Variants in HIVEP3 observed in about 807,000 individuals in gnomAD.
HIVEP3 encodes transcription factor HIVEP3.
HIVEP3 carries 49 observed loss-of-function variants against 152.8 expected under a neutral mutation model. That is an observed-to-expected ratio of 0.32 (90% CI 0.26 to 0.41). The LOEUF (loss-of-function observed/expected upper bound fraction) is 0.41. Ranked by LOEUF, HIVEP3 falls within the 10% of genes least tolerant of loss-of-function variation. The pLI is 1.00. For missense variants in HIVEP3, 2,790 were observed against 3,103.3 expected (o/e 0.90, Z 2.40); for synonymous variants, 1,269 against 1,289.0 (o/e 0.98, Z 0.33).
intron 5 of HIVEP3, among the ~76,000 whole-genome samples, chr1:41,529,211 C>G (rs1304018084): frequency 3.6e-5 from 5 of 137,872 alleles, no homozygotes; most frequent in Non-Finnish European, 6.2e-5. Context: ...CCCATACACT[C>G]ACACCCTCAC....
chr1:41,640,974 C>G (rs1645363432), intron 2 of HIVEP3, among the ~76,000 whole-genome samples: 1 of 152,224 alleles, frequency 6.6e-6, no homozygotes, highest in African/African-American at 2.4e-5. Context: ...GTTTCCTCAC[C>G]TCTGAAACAA....
At chr1:41,690,583 C>T (rs544907017) in intron 2 of HIVEP3, among the ~76,000 whole-genome samples, 80 of 152,294 alleles carry the variant, frequency 5.3e-4, no homozygotes, top group African/African-American at 1.9e-3. Context: ...GAGCCCTGTG[C>T]CAGGCTTGGG....
intron 2 of HIVEP3, among the ~76,000 whole-genome samples, chr1:41,682,993 G>A (rs1377686107): frequency 1.3e-5 from 2 of 152,318 alleles, no homozygotes; most frequent in East Asian, 3.9e-4. Context: ...ATCTAAACTG[G>A]GTCTTAAATG....
intron 1 of HIVEP3, among the ~76,000 whole-genome samples, chr1:41,735,748 C>T (rs150921313): frequency 6.6e-6 from 1 of 152,168 alleles, no homozygotes; most frequent in Non-Finnish European, 1.5e-5. Flanking sequence ...AGGATGTCTG[C>T]CTGCTCCCTG....
intron 2 of HIVEP3, among the ~76,000 whole-genome samples, chr1:41,658,198 T>C (rs917129825): frequency 1.7e-4 from 26 of 152,246 alleles, no homozygotes; most frequent in African/African-American, 6.3e-4. Context: ...TCAAAACCGC[T>C]GAGACCTTCC....
chr1:41,953,907 C>T (rs1645124226), intron 1 of HIVEP3, among the ~76,000 whole-genome samples: 1 of 152,160 alleles, frequency 6.6e-6, no homozygotes, highest in African/African-American at 2.4e-5. Context: ...CTGCAGCAGC[C>T]CTTTTTTCTG....
chr1:41,973,359 C>A (rs1645241198), intron 1 of HIVEP3, among the ~76,000 whole-genome samples: 1 of 152,190 alleles, frequency 6.6e-6, no homozygotes, highest in South Asian at 2.1e-4. Context: ...ACCCAAGATA[C>A]CTGCTAGAGC....
intron 5 of HIVEP3, chr1:41,535,613 G>A (rs1230486946): frequency 6.6e-6 from 1 of 152,242 alleles, no homozygotes; most frequent in Non-Finnish European, 1.5e-5. Flanking sequence ...CAGGACAGAG[G>A]CTATGGGGAG....
At chr1:41,575,746 C>T (rs946046118) in intron 4 of HIVEP3, 57 bp from the exon 5 acceptor site, 30 of 1,568,466 alleles carry the variant, frequency 1.9e-5, no homozygotes, top group Non-Finnish European at 2.3e-5. Flanking sequence ...TCCTCAGTCA[C>T]GAATGCAATG....
At chr1:41,739,459 G>A (rs1336959018) in intron 1 of HIVEP3, among the ~76,000 whole-genome samples, 2 of 152,208 alleles carry the variant, frequency 1.3e-5, no homozygotes, top group Non-Finnish European at 2.9e-5. Context: ...CCAAGTGACC[G>A]CCCACAGAGC....
chr1:41,941,439 T>C (rs1440833477), intron 1 of HIVEP3, among the ~76,000 whole-genome samples: 1 of 152,094 alleles, frequency 6.6e-6, no homozygotes, highest in Non-Finnish European at 1.5e-5. Flanking sequence ...TCCATCACAC[T>C]ACAGAGAAGA....
At chr1:41,694,103 T>G (rs1289347146) in intron 2 of HIVEP3, among the ~76,000 whole-genome samples, 1 of 152,250 alleles carries the variant, frequency 6.6e-6, no homozygotes, top group African/African-American at 2.4e-5. Context: ...ATTTCGAGAT[T>G]CAATTTTATT....
At chr1:41,602,314 G>A (rs1462200442) in intron 3 of HIVEP3, among the ~76,000 whole-genome samples, 2 of 152,200 alleles carry the variant, frequency 1.3e-5, no homozygotes, top group East Asian at 3.9e-4. Flanking sequence ...ATTTTCAGAA[G>A]GATCAATGTT....
chr1:41,915,673 G>C (rs1644859853), intron 1 of HIVEP3, among the ~76,000 whole-genome samples: 1 of 152,086 alleles, frequency 6.6e-6, no homozygotes, highest in South Asian at 2.1e-4. Context: ...AGATTGTTGT[G>C]GTATTATCCT....
rs78770442 is a variant in HIVEP3, at chr1:41,800,117, A to T, written c.-800-99122T>A. 3.6e-3 allele frequency among the ~76,000 whole-genome samples: 547 copies of T among 152,336 alleles called. 5 individuals are homozygous for T. The highest frequency in any genetic ancestry group is 0.019 in the East Asian group (98 of 5,190). ...TAGAAGCCATTTCACGAAGGTTTCC[A>T]AAAGGAGGATTTTTATCTTTCAAAG... is the stretch of plus-strand genomic sequence containing the variant. On this transcript the variant is annotated intron_variant, in intron 1 of 8. Transcript: ENST00000372583.
intron 1 of HIVEP3, among the ~76,000 whole-genome samples, chr1:41,712,261 T>C (rs571722414): frequency 4.1e-4 from 63 of 152,334 alleles, no homozygotes; most frequent in African/African-American, 1.4e-3. Flanking sequence ...AGGGCCATGG[T>C]GATATGAAGG....
intron 1 of HIVEP3, among the ~76,000 whole-genome samples, chr1:41,974,252 G>A (rs1645247141): frequency 6.6e-6 from 1 of 152,240 alleles, no homozygotes; most frequent in South Asian, 2.1e-4. Context: ...GGAGGGGACA[G>A]AGAAGACATC....
intron 1 of HIVEP3, among the ~76,000 whole-genome samples, chr1:41,967,136 A>T (rs1645203408): frequency 6.6e-6 from 1 of 152,080 alleles, no homozygotes; most frequent in African/African-American, 2.4e-5. Context: ...ATATTAGATC[A>T]TTGAGACAGA....
At chr1:41,552,157 A>G (rs1406012334) in intron 5 of HIVEP3, among the ~76,000 whole-genome samples, 1 of 152,202 alleles carries the variant, frequency 6.6e-6, no homozygotes, top group Non-Finnish European at 1.5e-5. Context: ...GTCATTCAGG[A>G]GCAGGTTGTT....
Sources: allele counts gnomAD v4.1 joint callset (sites outside exome capture counted in the v4.1 genomes callset), GRCh38; gene constraint gnomAD v4.1.1; transcripts MANE v1.5; gene names NCBI Gene and HGNC (gene_info 2026-07-23, HGNC 2026-07-21).